The following ZNF804B variants were observed in gnomAD, a reference collection of about 807,000 sequenced individuals.
The protein encoded by ZNF804B is zinc finger 804B.
A neutral mutation model predicts 101.4 loss-of-function variants in ZNF804B; 80 were observed. That is an observed-to-expected ratio of 0.79 (90% CI 0.66 to 0.95). The LOEUF is 0.95. Ranked by LOEUF, ZNF804B falls within the 40% of genes least tolerant of loss-of-function variation. ZNF804B has a pLI of 0.00. For missense variants in ZNF804B, 1,673 were observed against 1,561.9 expected, an observed-to-expected ratio of 1.07 and a Z score of -1.20; for synonymous variants, 622 against 558.8, an observed-to-expected ratio of 1.11 and a Z score of -1.59.
At chr7:89,214,822 A>G (rs1005313146) in intron 1 of ZNF804B, among the ~76,000 whole-genome samples, 18 of 152,166 alleles carry the variant, frequency 1.2e-4, no homozygotes, top group Admixed American at 1.1e-3. Flanking sequence ...TAAATAAGAG[A>G]TTCTTGAATA....
At chr7:88,760,895 AT>A (rs1789884844) in intron 1 of ZNF804B, among the ~76,000 whole-genome samples, 4 of 100,226 alleles carry the variant, frequency 4.0e-5, no homozygotes, top group African/African-American at 1.4e-4. Context: ...ATATATATAT[AT>A]AATAAATATA....
chr7:88,807,678 G>A (rs12673455), intron 1 of ZNF804B, among the ~76,000 whole-genome samples: 1 of 152,052 alleles, frequency 6.6e-6, no homozygotes, highest in Admixed American at 6.6e-5. Context: ...TCCTATGTTG[G>A]TGAGAGCTAT....
intron 1 of ZNF804B, among the ~76,000 whole-genome samples, chr7:89,087,888 G>A (rs1258005894): frequency 1.3e-5 from 2 of 151,736 alleles, no homozygotes; most frequent in Non-Finnish European, 2.9e-5. Flanking sequence ...TACAGGAAAT[G>A]TCCATGTTCA....
intron 1 of ZNF804B, among the ~76,000 whole-genome samples, chr7:88,787,774 A>G (rs896017753): frequency 2.0e-5 from 3 of 152,158 alleles, no homozygotes; most frequent in African/African-American, 7.2e-5. Flanking sequence ...CAGTTCAGCA[A>G]TTTGACACCA....
At chr7:88,954,559 C>CA (rs1205021298) in intron 1 of ZNF804B, among the ~76,000 whole-genome samples, 2 of 151,036 alleles carry the variant, frequency 1.3e-5, no homozygotes, top group South Asian at 4.2e-4. Context: ...AAACATGCCC[C>CA]CCCCCCACCA....
intron 2 of ZNF804B, among the ~76,000 whole-genome samples, chr7:89,279,230 A>G (rs923191612): frequency 2.6e-5 from 4 of 152,098 alleles, no homozygotes; most frequent in African/African-American, 9.7e-5. Context: ...GAAGTTGCTT[A>G]TCAGCTTAAG....
At chr7:88,968,212 T>G (rs1793484940) in intron 1 of ZNF804B, among the ~76,000 whole-genome samples, 1 of 151,622 alleles carries the variant, frequency 6.6e-6, no homozygotes, top group South Asian at 2.1e-4. Flanking sequence ...ATTAAGTTGT[T>G]AGGGACCTTA....
At chr7:89,181,824 A>C (rs1463326553) in intron 1 of ZNF804B, among the ~76,000 whole-genome samples, 1 of 152,150 alleles carries the variant, frequency 6.6e-6, no homozygotes, top group Non-Finnish European at 1.5e-5. Flanking sequence ...GGATGTGTTT[A>C]CTTCATGAAA....
intron 1 of ZNF804B, among the ~76,000 whole-genome samples, chr7:89,140,793 T>C (rs1340244854): frequency 2.6e-5 from 4 of 152,098 alleles, no homozygotes; most frequent in African/African-American, 9.7e-5. Context: ...TTTTTTGTCA[T>C]TCATGTGTTC....
At chr7:89,196,510 A>G (rs944769191) in intron 1 of ZNF804B, among the ~76,000 whole-genome samples, 1 of 152,160 alleles carries the variant, frequency 6.6e-6, no homozygotes, top group Non-Finnish European at 1.5e-5. Flanking sequence ...TGTAAAACCC[A>G]AAACCATAAA....
chr7:88,912,784 G>A (rs1792568664), intron 1 of ZNF804B, among the ~76,000 whole-genome samples: 1 of 152,086 alleles, frequency 6.6e-6, no homozygotes, highest in Admixed American at 6.6e-5. Flanking sequence ...TAACTTTACA[G>A]TGTGGATTTT....
intron 1 of ZNF804B, among the ~76,000 whole-genome samples, chr7:89,128,649 C>A (rs911709549): frequency 3.3e-5 from 5 of 151,778 alleles, no homozygotes; most frequent in Non-Finnish European, 7.4e-5. Flanking sequence ...TCTATTTTTT[C>A]TCTTTTTCAT....
chr7:88,946,129 G>A (rs557790574), intron 1 of ZNF804B, among the ~76,000 whole-genome samples: 3 of 152,168 alleles, frequency 2.0e-5, no homozygotes, highest in East Asian at 3.9e-4. Context: ...ATGCTATGTT[G>A]AATAGGAGTG....
At chr7:89,168,896 C>T (rs1246680345) in intron 1 of ZNF804B, among the ~76,000 whole-genome samples, 2 of 152,076 alleles carry the variant, frequency 1.3e-5, no homozygotes, top group African/African-American at 2.4e-5. Context: ...GGGCGGGCCA[C>T]TCCCAAGATG....
intron 1 of ZNF804B, among the ~76,000 whole-genome samples, chr7:88,918,416 A>C (rs531799881): frequency 9.2e-5 from 14 of 152,304 alleles, no homozygotes; most frequent in East Asian, 5.8e-4. Flanking sequence ...TTCAAGGAAC[A>C]TCTGTTACAT....
intron 1 of ZNF804B, among the ~76,000 whole-genome samples, chr7:88,830,416 T>C (rs746578500): frequency 5.9e-5 from 9 of 152,074 alleles, no homozygotes; most frequent in Non-Finnish European, 1.3e-4. Context: ...CACATAAAGA[T>C]AATTTTTCAT....
intron 1 of ZNF804B, among the ~76,000 whole-genome samples, chr7:89,189,484 A>T (rs2097740): frequency 0.24 from 36,925 of 152,106 alleles, 4,676 homozygotes; most frequent in Non-Finnish European, 0.27. Context: ...CCTTTGTTAC[A>T]AGCAGGTTTT....
At chr7:89,013,316 T>C (rs1584072344) in intron 1 of ZNF804B, among the ~76,000 whole-genome samples, 1 of 109,516 alleles carries the variant, frequency 9.1e-6, no homozygotes, top group East Asian at 2.1e-4. Context: ...AAGCTAGTAC[T>C]CACTATAAAA....
intron 1 of ZNF804B, among the ~76,000 whole-genome samples, chr7:89,191,657 A>T (rs1227832688): frequency 1.3e-5 from 2 of 152,122 alleles, no homozygotes; most frequent in Non-Finnish European, 2.9e-5. Flanking sequence ...TCTATATTTT[A>T]AAAAAGTATT....
Sources: allele counts gnomAD v4.1 joint callset (sites outside exome capture counted in the v4.1 genomes callset), GRCh38; gene constraint gnomAD v4.1.1; transcripts MANE v1.5; gene names NCBI Gene and HGNC (gene_info 2026-07-23, HGNC 2026-07-21).